RAB7B: variants seen among roughly 807,000 people sequenced by gnomAD.
RAB7B encodes the protein RAB7B, member RAS oncogene family.
chr1:205,999,250 C>T (rs925640243), intron 1 of RAB7B, among the ~76,000 whole-genome samples: 4 of 152,016 alleles, frequency 2.6e-5, no homozygotes, highest in East Asian at 1.9e-4. Flanking sequence ...TATAACAGGT[C>T]GCTATGCACA....
intron 1 of RAB7B, among the ~76,000 whole-genome samples, chr1:205,998,384 C>T (rs2102643720): frequency 6.6e-6 from 1 of 152,222 alleles, no homozygotes; most frequent in Non-Finnish European, 1.5e-5. Flanking sequence ...ACAAAAAATG[C>T]TGAGAAGGCT....
Position 205,985,747 on chromosome 1 carries a change from C to CCCACCAGGCCCACCAGGACCA in RAB7B, c.397-83_397-82insTGGTCCTGGTGGGCCTGGTGG, listed in dbSNP as rs1660583688. On this transcript the variant is annotated intron_variant, in intron 4 of 5. Transcript: ENST00000617070. ...TTGCCACCATCACATCCCCACCATCCCCATCAGGCCCACCATCCCCACCAT... is the reference window on the plus strand; with the variant it reads ...TTGCCACCATCACATCCCCACCATCCCCACCAGGCCCACCAGGACCACCATCAGGCCCACCATCCCCACCAT... 2 of 301,482 alleles carry CCCACCAGGCCCACCAGGACCA rather than the reference C, an allele frequency of 6.6e-6. 1 individual carries two copies. The highest frequency in any genetic ancestry group is 1.2e-4 in the Admixed American group (2 of 16,180). The allele number at this position is 301,482 out of a possible 1,614,324, so 18.7% of individuals were successfully genotyped here.
chr1:205,987,216 A>G (rs1660626064), intron 4 of RAB7B, among the ~76,000 whole-genome samples: 1 of 152,166 alleles, frequency 6.6e-6, no homozygotes, highest in Non-Finnish European at 1.5e-5. Flanking sequence ...TTCCAATCCC[A>G]GAGACAGTTT....
At chr1:205,999,071 T>C (rs2102255450) in intron 1 of RAB7B, among the ~76,000 whole-genome samples, 1 of 152,196 alleles carries the variant, frequency 6.6e-6, no homozygotes, top group Non-Finnish European at 1.5e-5. Context: ...AACTACTGGG[T>C]TCTACTGTCT....
chr1:205,993,342 G>A (rs2102640808), intron 3 of RAB7B, 78 bp downstream of exon 3: 2 of 396,636 alleles, frequency 5.0e-6, no homozygotes, highest in Non-Finnish European at 8.9e-6. Flanking sequence ...GGTTCACATT[G>A]CTACATGAGT....
intron 1 of RAB7B, 69 bp from the exon 2 acceptor site, chr1:205,994,220 C>T (rs1660772679): frequency 2.5e-6 from 1 of 397,870 alleles, no homozygotes; most frequent in Admixed American, 4.4e-5. Flanking sequence ...TGAGTGTGGC[C>T]TCTGCTTTCC....
intron 4 of RAB7B, among the ~76,000 whole-genome samples, chr1:205,987,777 AG>A (rs1249160250): frequency 6.6e-6 from 1 of 152,020 alleles, no homozygotes; most frequent in Non-Finnish European, 1.5e-5. Flanking sequence ...TAGAAGGAAC[AG>A]GGATTTTTTT....
chr1:205,996,786 T>C (rs1056156568), intron 1 of RAB7B, among the ~76,000 whole-genome samples: 451 of 152,226 alleles, frequency 3.0e-3, no homozygotes, highest in African/African-American at 0.011. Flanking sequence ...CATGGGTGGA[T>C]GGGGAAGTAA....
In RAB7B at chr1:205,994,329, C is replaced by G. The variant is rs1256353105; in HGVS notation, c.-16-178G>C. On this transcript the variant is annotated intron_variant, in intron 1 of 5. Transcript: ENST00000617070. The stretch of plus-strand genomic sequence containing the variant: ...CAATCTTCATATATCTTCTCCCTCA[C>G]TTTCCCTGGGGGCCTCCCCAAAGCT... 1.6e-5 allele frequency: 6 copies of G among 368,168 alleles called. 1 individual carries two copies. The East Asian group carries it at 2.3e-4, about 14-fold the overall frequency. 22.8% of individuals were successfully genotyped at this position (368,168 alleles called of 1,614,324 possible). A position where few individuals can be genotyped will look rare whatever the true frequency, so the allele number is the denominator to read the frequency against.
chr1:205,993,952 G>T, intron 2 of RAB7B, 131 bp downstream of exon 2: 1 of 396,702 alleles, frequency 2.5e-6, no homozygotes, highest in South Asian at 1.4e-4. Context: ...TTCTTTTCTG[G>T]GGATGGGATA....
rs1343860008 is a variant in RAB7B, at chr1:206,003,313, C to G, written c.-77G>C. The G allele has an allele frequency of 6.6e-6, 1 of 152,274 alleles. No individual in the cohort carries two copies. The highest frequency in any genetic ancestry group is 2.1e-4 in the South Asian group (1 of 4,826). 9.4% of individuals were successfully genotyped at this position (152,274 alleles called of 1,614,324 possible). A position where few individuals can be genotyped will look rare whatever the true frequency, so the allele number is the denominator to read the frequency against. Reference sequence around the variant, plus strand: ...GGGCAGCTGGGAGTCCTCTCTCAGTCTGGTGGTCTCTTCTTAGAGCAGTGG... The same window carrying G: ...GGGCAGCTGGGAGTCCTCTCTCAGTGTGGTGGTCTCTTCTTAGAGCAGTGG... On this transcript the variant is annotated 5_prime_UTR_variant, in exon 1 of 6. Transcript: ENST00000617070.
At chr1:206,002,822 C>T (rs1350713478) in intron 1 of RAB7B, among the ~76,000 whole-genome samples, 2 of 152,172 alleles carry the variant, frequency 1.3e-5, no homozygotes, top group Admixed American at 1.3e-4. Flanking sequence ...CCAAGCTTCC[C>T]CTGATGAGAC....
At chr1:205,980,530 C>T (rs1660470107) in intron 5 of RAB7B, among the ~76,000 whole-genome samples, 1 of 152,218 alleles carries the variant, frequency 6.6e-6, no homozygotes, top group African/African-American at 2.4e-5. Flanking sequence ...TATTCCAATG[C>T]TTGCAGCATT....
chr1:206,000,294 C>A (rs1020589933), intron 1 of RAB7B, among the ~76,000 whole-genome samples: 1 of 152,162 alleles, frequency 6.6e-6, no homozygotes, highest in Non-Finnish European at 1.5e-5. Flanking sequence ...GTTACACAAG[C>A]CTAAGTTGTT....
chr1:206,001,178 G>T lies in RAB7B; in HGVS notation c.-17+2075C>A, dbSNP rs1019333348. On this transcript the variant is annotated intron_variant, in intron 1 of 5. Transcript: ENST00000617070. Reference sequence around the variant, plus strand: ...CGTGGGAAGTGGGGGCGGTTTGTGGGGTGACGCAGCCTGGCTCACCTAGGA... The same window carrying T: ...CGTGGGAAGTGGGGGCGGTTTGTGGTGTGACGCAGCCTGGCTCACCTAGGA... Among the ~76,000 whole-genome samples the T allele has an allele frequency of 3.2e-4, 49 of 152,260 alleles. 1 individual carries two copies. Among genetic ancestry groups the T allele is most frequent in the African/African-American group, 8.7e-4 (36 of 41,544 alleles).
At chr1:205,995,528 C>T (rs1323947974) in intron 1 of RAB7B, among the ~76,000 whole-genome samples, 5 of 152,066 alleles carry the variant, frequency 3.3e-5, no homozygotes, top group Non-Finnish European at 5.9e-5. Context: ...TAAAGAAAAT[C>T]GGTACATGTA....
chr1:205,985,805 C>CCCGGCCCACCAGGCCCACCATCCCCAT (rs1660592006), intron 4 of RAB7B, 140 bp from the exon 5 acceptor site: 1 of 377,192 alleles, frequency 2.7e-6, no homozygotes, highest in African/African-American at 2.4e-5. Context: ...ACCATCCCCA[C>CCCGGCCCACCAGGCCCACCATCCCCAT]CAGGCCCACC....
chr1:205,994,008 G>T, intron 2 of RAB7B, 75 bp downstream of exon 2: 1 of 398,354 alleles, frequency 2.5e-6, no homozygotes, highest in South Asian at 1.3e-4. Flanking sequence ...TATGGGAGAT[G>T]GGAACACATC....
intron 4 of RAB7B, among the ~76,000 whole-genome samples, chr1:205,987,148 A>G (rs1227830010): frequency 2.0e-5 from 3 of 151,984 alleles, no homozygotes; most frequent in African/African-American, 7.2e-5. Flanking sequence ...TCCCCACCCC[A>G]ACCTCAGAAA....
Sources: allele counts gnomAD v4.1 joint callset (sites outside exome capture counted in the v4.1 genomes callset), GRCh38; gene constraint gnomAD v4.1.1; transcripts MANE v1.5; gene names NCBI Gene and HGNC (gene_info 2026-07-23, HGNC 2026-07-21).